PTCHD4: variants seen among roughly 807,000 people sequenced by gnomAD.
The protein encoded by PTCHD4 is patched domain-containing protein 4.
Under a neutral mutation model 58.1 loss-of-function variants are expected in PTCHD4, and 33 were observed. The observed-to-expected ratio is 0.57, with a 90% CI of 0.43 to 0.76. The LOEUF is 0.76. Among genes scored for constraint, PTCHD4 ranks in the 30% least tolerant of loss-of-function variants. The pLI is 0.00. For synonymous variants in PTCHD4, 478 were observed against 409.6 expected (o/e 1.17, Z -2.02); for missense variants, 1,058 against 1,027.1 (o/e 1.03, Z -0.41).
At chr6:47,978,150 C>T (rs1461973722) in intron 4 of PTCHD4, among the ~76,000 whole-genome samples, 1 of 151,990 alleles carries the variant, frequency 6.6e-6, no homozygotes, top group Non-Finnish European at 1.5e-5. Flanking sequence ...CTTCTTCTTC[C>T]TCTTCCTCCT....
intron 4 of PTCHD4, among the ~76,000 whole-genome samples, chr6:47,949,493 C>A (rs1374986435): frequency 6.6e-6 from 1 of 152,086 alleles, no homozygotes; most frequent in Non-Finnish European, 1.5e-5. Context: ...GGCTCCCTGG[C>A]AGGAAATGCA....
chr6:48,072,838 G>A lies in PTCHD4; in HGVS notation c.-969-2912C>T, dbSNP rs540358485. Among the ~76,000 whole-genome samples the A allele has an allele frequency of 4.6e-5, 7 of 152,120 alleles. No homozygotes were observed. The East Asian group carries it at 9.7e-4, about 21-fold the overall frequency. On this transcript the variant is annotated intron_variant, in intron 1 of 4. Coordinates refer to ENST00000339488, the MANE Select transcript of PTCHD4 (RefSeq NM_001384253.1). ...TTTCCTGCAACCTCCCATTTCTACA[G>A]TGAAAAGTCTGGGTCTATCAGTGAT...
chr6:48,061,531 C>T (rs3846900), intron 3 of PTCHD4, among the ~76,000 whole-genome samples: 3,756 of 152,126 alleles, frequency 0.025, 143 homozygotes, highest in African/African-American at 0.083. Context: ...TAGATCTGAG[C>T]GTCTCTAACA....
At chr6:47,987,501 T>C (rs370020068) in intron 4 of PTCHD4, among the ~76,000 whole-genome samples, 8 of 151,476 alleles carry the variant, frequency 5.3e-5, no homozygotes, top group African/African-American at 1.9e-4. Context: ...TCCAAGATTA[T>C]GTCATTTTTG....
rs186748535 is a variant in PTCHD4, at chr6:47,876,436, G to T, written c.*1867C>A. 1.0e-3 allele frequency among the ~76,000 whole-genome samples: 158 copies of T among 151,812 alleles called. 2 individuals carry two copies. The highest frequency in any genetic ancestry group is 6.8e-3 in the Middle Eastern group (2 of 294). ...TATTACTTAAATGTTTTCATTTTAG[G>T]GTCTGTTCCCTTTCCCCTTTATATT... On this transcript the variant is annotated 3_prime_UTR_variant, in exon 5 of 5. Coordinates refer to ENST00000339488, the MANE Select transcript of PTCHD4 (RefSeq NM_001384253.1).
At chr6:47,932,101 C>T (rs570538149) in intron 4 of PTCHD4, among the ~76,000 whole-genome samples, 1 of 152,286 alleles carries the variant, frequency 6.6e-6, no homozygotes, top group South Asian at 2.1e-4. Flanking sequence ...AGAAACACTC[C>T]TGCTTAGCTT....
chr6:48,030,818 G>A (rs572110586), intron 3 of PTCHD4, among the ~76,000 whole-genome samples: 37 of 152,084 alleles, frequency 2.4e-4, no homozygotes, highest in Non-Finnish European at 4.4e-4. Flanking sequence ...TCAGAAACTG[G>A]GTTTCTAACT....
At chr6:47,946,578 T>C (rs142307572) in intron 4 of PTCHD4, among the ~76,000 whole-genome samples, 10 of 152,314 alleles carry the variant, frequency 6.6e-5, no homozygotes, top group Non-Finnish European at 1.0e-4. Flanking sequence ...TCTATCATTA[T>C]GTTTAGGATG....
chr6:47,948,424 C>A (rs1766502650), intron 4 of PTCHD4, among the ~76,000 whole-genome samples: 1 of 152,188 alleles, frequency 6.6e-6, no homozygotes, highest in Admixed American at 6.5e-5. Context: ...CCCCACCCAC[C>A]CTCAAGGACG....
chr6:48,104,360 A>T (rs1765674614), intron 1 of PTCHD4, among the ~76,000 whole-genome samples: 1 of 152,208 alleles, frequency 6.6e-6, no homozygotes, highest in Non-Finnish European at 1.5e-5. Context: ...TAAGCTTCAT[A>T]AGTGAAGGAG....
rs1251838588 is a variant in PTCHD4 at position 47,859,132 on chromosome 6, C to G, written c.*19171G>C. Reference sequence around the variant, plus strand: ...TTGTGTATTTGTGTGCATACTCTTACAATTCCAGCTGAAAATGGCTTGGGG... The same window carrying G: ...TTGTGTATTTGTGTGCATACTCTTAGAATTCCAGCTGAAAATGGCTTGGGG... On this transcript the variant is annotated 3_prime_UTR_variant, in exon 5 of 5. Transcript: ENST00000339488. Among the ~76,000 whole-genome samples, 1 of 152,050 alleles carries G rather than the reference C, an allele frequency of 6.6e-6. No homozygotes were observed. The highest frequency in any genetic ancestry group is 1.5e-5 in the Non-Finnish European group (1 of 67,958).
chr6:48,072,228 G>GTCTATTTATTTTC (rs1441382678), intron 1 of PTCHD4, among the ~76,000 whole-genome samples: 1 of 152,022 alleles, frequency 6.6e-6, no homozygotes, highest in Non-Finnish European at 1.5e-5. Flanking sequence ...CAAGATATTT[G>GTCTATTTATTTTC]TCTATTTTCT....
In PTCHD4 at chr6:48,068,285, A is replaced by G; in HGVS notation, c.362T>C (p.Ile121Thr). 1.2e-6 allele frequency: 2 copies of G among 1,609,632 alleles called. No individual in the cohort carries two copies. Among genetic ancestry groups the G allele is most frequent in the Non-Finnish European group, 1.7e-6 (2 of 1,176,742 alleles). Reference sequence around the variant, plus strand: ...CAGGATCCCCTCAGCCTGGAGCAAAATATTGTCCCCGGTTGGGGAGAGGAG... The same window carrying G: ...CAGGATCCCCTCAGCCTGGAGCAAAGTATTGTCCCCGGTTGGGGAGAGGAG... The part of the protein sequence containing the change: ...VILLSPTGDN[I>T]LLQAEGILQT... The change falls in exon 3 of 5, where the codon ATT (isoleucine) becomes ACT (threonine). Residue 121 changes from isoleucine to threonine, a missense_variant. Coordinates refer to ENST00000339488, the MANE Select transcript of PTCHD4 (RefSeq NM_001384253.1). This position sits in a 1 kb window ranked among gnomAD's most constrained non-coding sequence, Gnocchi z 4.2.
At chr6:47,961,331 C>T (rs568610228) in intron 4 of PTCHD4, among the ~76,000 whole-genome samples, 1 of 150,832 alleles carries the variant, frequency 6.6e-6, no homozygotes, top group Non-Finnish European at 1.5e-5. Flanking sequence ...CTTGCTCTGT[C>T]ACCCAGGCTG....
chr6:48,039,197 A>T (rs1279553273), intron 3 of PTCHD4, among the ~76,000 whole-genome samples: 5 of 152,152 alleles, frequency 3.3e-5, no homozygotes, highest in Non-Finnish European at 5.9e-5. Context: ...CCCCTCAATG[A>T]AATGCTATAA....
At position 47,878,662 on chromosome 6, in the gene PTCHD4, G is replaced by A. The variant is rs772418366; in HGVS notation, c.2173C>T (p.His725Tyr). ...AATGTGAAAAGCAGTGGTGCACAGT[G>A]GTCAATGGCGAAATTCAAGGTGTAG... ...LIYTLNFAID[H>Y]CAPLLFTFVL... Residue 725 changes from histidine to tyrosine, a missense_variant, in exon 5 of 5, where the codon CAC becomes TAC. Coordinates refer to ENST00000339488, the MANE Select transcript of PTCHD4 (RefSeq NM_001384253.1). 13 of 1,613,552 alleles carry A rather than the reference G, an allele frequency of 8.1e-6. No individual in the cohort carries two copies. The South Asian group carries it at 1.1e-4, about 14-fold the overall frequency.
chr6:47,971,375 G>C (rs952769041), intron 4 of PTCHD4, among the ~76,000 whole-genome samples: 1 of 152,024 alleles, frequency 6.6e-6, no homozygotes, highest in African/African-American at 2.4e-5. Context: ...TGTGAAGGTC[G>C]TCCAAATTGA....
rs544675090 is a variant in PTCHD4 at position 47,862,229 on chromosome 6, T to C, written c.*16074A>G. Among the ~76,000 whole-genome samples the C allele has an allele frequency of 5.6e-4, 68 of 122,074 alleles. No homozygotes were observed. Among genetic ancestry groups the C allele is most frequent in the Middle Eastern group, 4.3e-3 (1 of 234 alleles). 80.1% of individuals were successfully genotyped at this position (122,074 alleles called of 152,430 possible). A position where few individuals can be genotyped will look rare whatever the true frequency, so the allele number is the denominator to read the frequency against. The stretch of plus-strand genomic sequence containing the variant: ...TCGGTTTTGCCAATCATTACTTTTG[T>C]TGCATTATGGCTTTTTTTTTAATAT... On this transcript the variant is annotated 3_prime_UTR_variant, in exon 5 of 5. Coordinates refer to ENST00000339488, the MANE Select transcript of PTCHD4 (RefSeq NM_001384253.1).
At chr6:48,081,459 C>G (rs1765165501) in intron 1 of PTCHD4, among the ~76,000 whole-genome samples, 1 of 152,150 alleles carries the variant, frequency 6.6e-6, no homozygotes, top group Non-Finnish European at 1.5e-5. Flanking sequence ...TATTTAACCA[C>G]TCTAAACTTT....
Sources: allele counts gnomAD v4.1 joint callset (sites outside exome capture counted in the v4.1 genomes callset), GRCh38; gene constraint gnomAD v4.1.1; non-coding constraint Gnocchi (gnomAD v3.1); transcripts MANE v1.5; gene names NCBI Gene and HGNC (gene_info 2026-07-23, HGNC 2026-07-21).